NFIB: variants seen among roughly 807,000 people sequenced by gnomAD.
The protein encoded by NFIB is nuclear factor I B.
A neutral mutation model predicts 61.5 loss-of-function variants in NFIB; 11 were observed. The observed-to-expected ratio is 0.18, with a 90% confidence interval of 0.11 to 0.30. NFIB has a LOEUF of 0.30. Among genes scored for constraint, NFIB ranks in the 10% least tolerant of loss-of-function variants. The pLI is 1.00. For missense variants in NFIB, 471 were observed against 608.9 expected (o/e 0.77, Z 2.38); for synonymous variants, 260 against 216.5 (o/e 1.20, Z -1.76).
Position 14,106,331 on chromosome 9 carries a change from A to G in NFIB, c.1467+6668T>C, listed in dbSNP as rs963450311. Among the ~76,000 whole-genome samples the G allele has an allele frequency of 2.0e-5, 3 of 152,276 alleles. No homozygotes were observed. In the East Asian group the frequency reaches 5.8e-4, roughly 29 times the overall value. ...TTAATCCTTTAATTTATATGCACAT[A>G]CCAATATGAAATTCTATTGTCTAGA... On this transcript the variant is annotated intron_variant, in intron 10 of 10. Coordinates refer to ENST00000380953, the MANE Select transcript of NFIB (RefSeq NM_001190737.2).
At chr9:14,129,151 A>G (rs12236011) in intron 6 of NFIB, among the ~76,000 whole-genome samples, 1,982 of 152,286 alleles carry the variant, frequency 0.013, 83 homozygotes, top group East Asian at 0.084. Context: ...CTTTCCTTAA[A>G]CAACAAAAGT....
chr9:14,156,015 T>A (rs914851091), intron 3 of NFIB, 122 bp from the exon 4 acceptor site: 2 of 502,606 alleles, frequency 4.0e-6, no homozygotes, highest in Non-Finnish European at 6.9e-6. Context: ...ATGCTTACAA[T>A]AAGGACTTTA....
chr9:14,193,195 T>G (rs1185277832), intron 2 of NFIB, among the ~76,000 whole-genome samples: 1 of 151,630 alleles, frequency 6.6e-6, no homozygotes, highest in Non-Finnish European at 1.5e-5. Flanking sequence ...GGTCTTCTGA[T>G]AATCCTACCC....
chr9:14,434,281 A>T, the NFIB span, among the ~76,000 whole-genome samples: 3 of 152,192 alleles, frequency 2.0e-5, no homozygotes, highest in African/African-American at 7.2e-5. Flanking sequence ...GAAGGTAACA[A>T]GACTAAGAGA....
At chr9:14,369,299 G>A (rs1371845387) in intron 1 of NFIB, among the ~76,000 whole-genome samples, 1 of 152,114 alleles carries the variant, frequency 6.6e-6, no homozygotes, top group Non-Finnish European at 1.5e-5. Context: ...CTGGTCGAAG[G>A]GCTGTTCTGT....
intron 2 of NFIB, among the ~76,000 whole-genome samples, chr9:14,231,703 T>A (rs544461077): frequency 6.6e-6 from 1 of 152,312 alleles, no homozygotes; most frequent in African/African-American, 2.4e-5. Flanking sequence ...GATGGTGAAG[T>A]GCAGTAATTA....
rs1432311669 is a variant in NFIB, at chr9:14,227,229, A to C, written c.563-47449T>G. 2.6e-5 allele frequency among the ~76,000 whole-genome samples: 4 copies of C among 152,192 alleles called. 1 individual carries two copies. Among genetic ancestry groups the C allele is most frequent in the Non-Finnish European group, 4.4e-5 (3 of 68,032 alleles). ...GCAGAAAACTACTACCAATTTTAAA[A>C]GCTAATTTATCAGTTGAAAGATTTC... is the stretch of plus-strand genomic sequence containing the variant. On this transcript the variant is annotated intron_variant, in intron 2 of 10. Coordinates refer to ENST00000380953, the MANE Select transcript of NFIB (RefSeq NM_001190737.2).
intron 2 of NFIB, among the ~76,000 whole-genome samples, chr9:14,184,178 T>C (rs1171136553): frequency 6.6e-6 from 1 of 152,214 alleles, no homozygotes; most frequent in Non-Finnish European, 1.5e-5. Flanking sequence ...AAACGGCTTG[T>C]CCAAAGTTGC....
At chr9:14,378,975 A>C (rs1564043557) in intron 1 of NFIB, among the ~76,000 whole-genome samples, 1 of 152,200 alleles carries the variant, frequency 6.6e-6, no homozygotes, top group Non-Finnish European at 1.5e-5. Flanking sequence ...ACAATTAACA[A>C]AGAAGAAAGG....
chr9:14,277,322 C>T (rs2058066843), intron 2 of NFIB, among the ~76,000 whole-genome samples: 1 of 132,886 alleles, frequency 7.5e-6, no homozygotes, highest in South Asian at 2.6e-4. Flanking sequence ...TGCACCCGCG[C>T]ACACACGTGC....
At chr9:14,395,324 T>TA (rs538107816) in intron 1 of NFIB, among the ~76,000 whole-genome samples, 6,737 of 137,282 alleles carry the variant, frequency 0.049, 189 homozygotes, top group Non-Finnish European at 0.069. Context: ...AAAAAAAACC[T>TA]AAAAAAAAAA....
At chr9:14,284,393 G>A (rs1374199620) in intron 2 of NFIB, among the ~76,000 whole-genome samples, 1 of 152,098 alleles carries the variant, frequency 6.6e-6, no homozygotes, top group African/African-American at 2.4e-5. Context: ...CCTTATCTAA[G>A]AAGAAAATCA....
chr9:14,329,150 C>T (rs993394258), intron 1 of NFIB, among the ~76,000 whole-genome samples: 1 of 152,162 alleles, frequency 6.6e-6, no homozygotes, highest in Non-Finnish European at 1.5e-5. Flanking sequence ...TGATCTAGAT[C>T]AAATGCTCTT....
the NFIB span, among the ~76,000 whole-genome samples, chr9:14,464,020 G>A: frequency 2.0e-5 from 3 of 152,112 alleles, no homozygotes; most frequent in East Asian, 5.8e-4. Context: ...GTAACATGTA[G>A]CATTTTTACA....
intron 2 of NFIB, among the ~76,000 whole-genome samples, chr9:14,275,852 A>G (rs2057960335): frequency 6.6e-6 from 1 of 152,054 alleles, no homozygotes; most frequent in Non-Finnish European, 1.5e-5. Flanking sequence ...TTCAGTAACC[A>G]TAATCTATCT....
chr9:14,300,898 G>A (rs1394081259), intron 2 of NFIB, among the ~76,000 whole-genome samples: 4 of 152,154 alleles, frequency 2.6e-5, no homozygotes, highest in African/African-American at 9.7e-5. Context: ...GAAAGACCTT[G>A]CTATATTGGG....
chr9:14,289,411 A>G (rs967156966), intron 2 of NFIB, among the ~76,000 whole-genome samples: 3 of 151,624 alleles, frequency 2.0e-5, no homozygotes, highest in African/African-American at 7.3e-5. Context: ...TTCACTTTTT[A>G]TTTGGCTGAG....
intron 4 of NFIB, among the ~76,000 whole-genome samples, chr9:14,154,180 G>T (rs543424012): frequency 5.9e-5 from 9 of 152,138 alleles, no homozygotes; most frequent in Admixed American, 2.6e-4. Context: ...GTTCTAATGT[G>T]GTTCTCCTTT....
the NFIB span, among the ~76,000 whole-genome samples, chr9:14,493,092 T>G: frequency 6.6e-6 from 1 of 152,312 alleles, no homozygotes; most frequent in South Asian, 2.1e-4. Context: ...TTGAACTCAC[T>G]CAGTTCTTCT....
Sources: gnomAD v4.1 joint callset for allele counts (sites outside exome capture counted in the v4.1 genomes callset) on GRCh38, gnomAD v4.1.1 for gene constraint, MANE v1.5 for transcripts, NCBI Gene and HGNC (gene_info 2026-07-23, HGNC 2026-07-21) for gene names.